TNS3: variants seen among roughly 807,000 people sequenced by gnomAD.
TNS3 encodes the protein tensin-3.
In TNS3, 45 loss-of-function variants were observed where a neutral mutation model predicts 140.9. The observed-to-expected ratio is 0.32, with a 90% CI of 0.25 to 0.41. The LOEUF (loss-of-function observed/expected upper bound fraction) is 0.41. Among genes scored for constraint, TNS3 ranks in the 10% least tolerant of loss-of-function variants. TNS3 has a pLI of 1.00. For missense variants in TNS3, 1,716 were observed against 1,906.7 expected (o/e 0.90, Z 1.86); for synonymous variants, 815 against 788.4 (o/e 1.03, Z -0.56).
intron 16 of TNS3, among the ~76,000 whole-genome samples, chr7:47,379,151 G>C (rs2151210160): frequency 6.6e-6 from 1 of 152,302 alleles, no homozygotes; most frequent in East Asian, 1.9e-4. Context: ...GGGAGGTACG[G>C]GTAGCCCGGG....
At chr7:47,304,132 G>A (rs1786601835) in intron 21 of TNS3, among the ~76,000 whole-genome samples, 1 of 152,192 alleles carries the variant, frequency 6.6e-6, no homozygotes, top group Admixed American at 6.5e-5. Flanking sequence ...TGATCCCTCT[G>A]CCCCATCTCC....
At chr7:47,390,101 G>C (rs10247865) in intron 16 of TNS3, among the ~76,000 whole-genome samples, 134,742 of 152,240 alleles carry the variant, frequency 0.89, 61,332 homozygotes, top group Non-Finnish European at 0.99. Context: ...AGCACTCCAC[G>C]TTGCCAACAA....
At chr7:47,425,794 GTGT>G (rs1214028457) in intron 9 of TNS3, among the ~76,000 whole-genome samples, 1 of 152,058 alleles carries the variant, frequency 6.6e-6, no homozygotes, top group Non-Finnish European at 1.5e-5. Context: ...TATTTCTATG[GTGT>G]TGATACAAGA....
chr7:47,407,130 A>G lies in TNS3; in HGVS notation c.723+4597T>C, dbSNP rs1793495351. On this transcript the variant is annotated intron_variant, in intron 13 of 30. Coordinates refer to ENST00000311160, the MANE Select transcript of TNS3 (RefSeq NM_022748.12). The surrounding 1 kb of genome is among the most constrained non-coding windows in gnomAD (Gnocchi z 4.1). The stretch of plus-strand genomic sequence containing the variant: ...TGTGTTGTTCCCTTAGGTCGTTTTC[A>G]GAGGGAGTCAACAGCACTGAGATTT... 4.6e-5 allele frequency among the ~76,000 whole-genome samples: 7 copies of G among 152,222 alleles called. 1 individual carries two copies. In the South Asian group the frequency reaches 1.2e-3, roughly 27 times the overall value.
At position 47,464,592 on chromosome 7, in the gene TNS3, C is replaced by T. The variant is rs906262322; in HGVS notation, c.-76+16511G>A. On this transcript the variant is annotated intron_variant, in intron 4 of 30. Coordinates refer to ENST00000311160, the MANE Select transcript of TNS3 (RefSeq NM_022748.12). ...GCATATTAGGAGAGAGACTTAGGGA[C>T]CCTATCCCAGAATTTCTGATTCAAC... 5.3e-5 allele frequency among the ~76,000 whole-genome samples: 8 copies of T among 152,116 alleles called. 1 individual carries two copies. Among genetic ancestry groups the T allele is most frequent in the Admixed American group, 4.6e-4 (7 of 15,254 alleles).
chr7:47,537,409 C>G lies in TNS3; in HGVS notation c.-264-8262G>C, dbSNP rs531291686. ...CATCTGACACGAATTAGCCCTCCCTCCCCCGCCCGCCCCAACCGCAGCTCC... is the reference window on the plus strand; with the variant it reads ...CATCTGACACGAATTAGCCCTCCCTGCCCCGCCCGCCCCAACCGCAGCTCC... On this transcript the variant is annotated intron_variant, in intron 1 of 30. Transcript: ENST00000311160. Among the ~76,000 whole-genome samples, 3 of 151,784 alleles carry G rather than the reference C, an allele frequency of 2.0e-5. No individual in the cohort carries two copies. In the East Asian group the frequency reaches 5.9e-4, roughly 30 times the overall value.
intron 8 of TNS3, among the ~76,000 whole-genome samples, chr7:47,430,166 T>C (rs1794860592): frequency 6.6e-6 from 1 of 151,428 alleles, no homozygotes. Flanking sequence ...TTCGCTCTTG[T>C]TGCCCAGGCT....
intron 16 of TNS3, among the ~76,000 whole-genome samples, chr7:47,373,603 G>T (rs1030130004): frequency 5.9e-5 from 9 of 152,156 alleles, no homozygotes; most frequent in Non-Finnish European, 1.0e-4. Flanking sequence ...AACAGGTGCT[G>T]CCCTACCACC....
chr7:47,279,273 CAGCCCA>C (rs2150527302), intron 30 of TNS3: 1 of 152,384 alleles, frequency 6.6e-6, no homozygotes, highest in South Asian at 2.1e-4. Flanking sequence ...TGGGGGGATA[CAGCCCA>C]TTGTGCCTCC....
intron 1 of TNS3, among the ~76,000 whole-genome samples, chr7:47,574,840 T>C (rs1348148733): frequency 6.6e-6 from 1 of 152,124 alleles, no homozygotes; most frequent in East Asian, 1.9e-4. Context: ...AGAATGGTGG[T>C]TGCCAGGGAC....
At chr7:47,426,914 C>T (rs1704970) in intron 9 of TNS3, among the ~76,000 whole-genome samples, 56,519 of 151,746 alleles carry the variant, frequency 0.37, 10,963 homozygotes, top group Non-Finnish European at 0.42. Flanking sequence ...CACCTGAGGT[C>T]GGGAGTTCAA....
chr7:47,333,308 T>C (rs140423182), intron 20 of TNS3, among the ~76,000 whole-genome samples: 371 of 152,354 alleles, frequency 2.4e-3, no homozygotes, highest in Middle Eastern at 6.8e-3. Context: ...GAGGCTGCGA[T>C]GTTTGCTAAT....
intron 1 of TNS3, among the ~76,000 whole-genome samples, chr7:47,572,712 C>A (rs530565196): frequency 5.9e-5 from 9 of 152,132 alleles, no homozygotes; most frequent in African/African-American, 1.9e-4. Flanking sequence ...ACTGTCTCTA[C>A]TAAAAATACA....
At chr7:47,349,155 T>C (rs1186857906) in intron 17 of TNS3, among the ~76,000 whole-genome samples, 1 of 151,836 alleles carries the variant, frequency 6.6e-6, no homozygotes, top group Non-Finnish European at 1.5e-5. Flanking sequence ...CTCAATTCTC[T>C]CTCTCCCCAA....
intron 17 of TNS3, among the ~76,000 whole-genome samples, chr7:47,352,532 T>A (rs1789746830): frequency 6.6e-6 from 1 of 151,548 alleles, no homozygotes; most frequent in Non-Finnish European, 1.5e-5. Flanking sequence ...TCTGCAAACC[T>A]CACACCTGTG....
At chr7:47,396,973 A>C (rs2151323989) in intron 15 of TNS3, 69 bp from the exon 16 acceptor site, 1 of 1,158,616 alleles carries the variant, frequency 8.6e-7, no homozygotes, top group Non-Finnish European at 1.3e-6. Flanking sequence ...CGACTCCACC[A>C]TAAGGACAGG....
intron 17 of TNS3, among the ~76,000 whole-genome samples, chr7:47,365,515 G>A (rs1218065058): frequency 6.6e-6 from 1 of 151,838 alleles, no homozygotes; most frequent in Admixed American, 6.6e-5. Context: ...TGTAATCCCA[G>A]CACTTTGGGA....
At chr7:47,418,436 T>A (rs1004612098) in intron 10 of TNS3, among the ~76,000 whole-genome samples, 1 of 152,228 alleles carries the variant, frequency 6.6e-6, no homozygotes, top group Admixed American at 6.5e-5. Flanking sequence ...AAGGTAGATA[T>A]AAATGAATCA....
intron 8 of TNS3, among the ~76,000 whole-genome samples, chr7:47,430,112 T>C (rs1385684695): frequency 1.4e-5 from 2 of 143,012 alleles, no homozygotes; most frequent in Non-Finnish European, 3.0e-5. Context: ...CAAGTATTTC[T>C]TTTCTTTTCT....
Sources: gnomAD v4.1 joint callset for allele counts (sites outside exome capture counted in the v4.1 genomes callset) on GRCh38, gnomAD v4.1.1 for gene constraint, Gnocchi (gnomAD v3.1) non-coding constraint, MANE v1.5 for transcripts, NCBI Gene and HGNC (gene_info 2026-07-23, HGNC 2026-07-21) for gene names.